The following RAB38 variants were observed in gnomAD, a reference collection of about 807,000 sequenced individuals.
RAB38 encodes the protein ras-related protein Rab-38.
RAB38 carries 15 observed loss-of-function variants against 18.4 expected under a neutral mutation model. The ratio of observed to expected loss-of-function variants is 0.82; its 90% CI spans 0.55 to 1.26. The LOEUF (loss-of-function observed/expected upper bound fraction) is 1.26. RAB38 is among the 50% of genes most tolerant of loss of function. The pLI, the probability that RAB38 is intolerant of heterozygous loss-of-function variation, is 0.00. For missense variants in RAB38, 294 were observed against 267.4 expected (o/e 1.10, Z -0.69); for synonymous variants, 101 against 104.4 (o/e 0.97, Z 0.20).
At chr11:87,844,216 C>A in the RAB38 span, among the ~76,000 whole-genome samples, 1 of 152,056 alleles carries the variant, frequency 6.6e-6, no homozygotes, top group Non-Finnish European at 1.5e-5. Context: ...AGAGATTACT[C>A]TTTTTAAAAT....
chr11:88,111,022 C>G (rs1243926268), downstream of RAB38, among the ~76,000 whole-genome samples: 1 of 152,038 alleles, frequency 6.6e-6, no homozygotes, highest in Non-Finnish European at 1.5e-5. Flanking sequence ...AGAATACTAA[C>G]AGGAAGGTTG....
the RAB38 span, among the ~76,000 whole-genome samples, chr11:87,805,543 A>G: frequency 6.6e-6 from 1 of 151,818 alleles, no homozygotes; most frequent in Non-Finnish European, 1.5e-5. Context: ...CAAAAGAACC[A>G]TAGGATAGAG....
chr11:88,148,410 T>C (rs1943018896), intron 2 of RAB38, among the ~76,000 whole-genome samples: 1 of 152,184 alleles, frequency 6.6e-6, no homozygotes, highest in Admixed American at 6.5e-5. Context: ...AGGTTTTCTT[T>C]CCTATCTATA....
At chr11:87,879,198 G>C in the RAB38 span, among the ~76,000 whole-genome samples, 5 of 151,552 alleles carry the variant, frequency 3.3e-5, no homozygotes, top group East Asian at 7.9e-4. Flanking sequence ...ACAATAAATG[G>C]CTTAAGTTGA....
chr11:87,893,602 G>A, the RAB38 span, among the ~76,000 whole-genome samples: 4 of 151,036 alleles, frequency 2.6e-5, no homozygotes. Flanking sequence ...GCATTGTTGT[G>A]CAATAGAGCT....
chr11:88,104,908 CA>C, the RAB38 span, among the ~76,000 whole-genome samples: 4 of 152,092 alleles, frequency 2.6e-5, no homozygotes, highest in Admixed American at 2.6e-4. Flanking sequence ...AATCATTTAT[CA>C]AATCCCTTCT....
the RAB38 span, among the ~76,000 whole-genome samples, chr11:87,930,884 G>A: frequency 6.6e-6 from 1 of 152,036 alleles, no homozygotes; most frequent in African/African-American, 2.4e-5. Flanking sequence ...TAGATATGTG[G>A]CATTATTTCT....
At chr11:88,036,635 T>C in the RAB38 span, among the ~76,000 whole-genome samples, 1 of 152,126 alleles carries the variant, frequency 6.6e-6, no homozygotes, top group South Asian at 2.1e-4. Flanking sequence ...GATTAAGTTT[T>C]TCTATATAAA....
intron 1 of RAB38, among the ~76,000 whole-genome samples, chr11:88,161,464 C>T (rs1402664511): frequency 6.6e-6 from 1 of 152,066 alleles, no homozygotes; most frequent in Non-Finnish European, 1.5e-5. Context: ...ACCACTGACA[C>T]TTATTATGCT....
the RAB38 span, among the ~76,000 whole-genome samples, chr11:87,889,180 C>CCCTCTGT: frequency 4.6e-5 from 7 of 151,602 alleles, no homozygotes; most frequent in Admixed American, 2.6e-4. Context: ...GATGTGCCTG[C>CCCTCTGT]CCAGGAAGTA....
chr11:88,048,959 A>G, the RAB38 span, among the ~76,000 whole-genome samples: 1 of 152,052 alleles, frequency 6.6e-6, no homozygotes, highest in Non-Finnish European at 1.5e-5. Context: ...TAGTTTTTCA[A>G]TTCATACAAA....
chr11:87,885,905 G>GTAT, the RAB38 span, among the ~76,000 whole-genome samples: 1 of 151,958 alleles, frequency 6.6e-6, no homozygotes, highest in African/African-American at 2.4e-5. Context: ...ATCTATTGAA[G>GTAT]TATTGTCTCA....
At chr11:88,161,639 C>A (rs919020327) in intron 1 of RAB38, among the ~76,000 whole-genome samples, 1 of 152,036 alleles carries the variant, frequency 6.6e-6, no homozygotes, top group African/African-American at 2.4e-5. Context: ...CTCCTTCTTC[C>A]TCTAAAATGC....
the RAB38 span, among the ~76,000 whole-genome samples, chr11:88,083,910 G>C: frequency 6.6e-6 from 1 of 151,866 alleles, no homozygotes; most frequent in Non-Finnish European, 1.5e-5. Flanking sequence ...ACCCAGTTTT[G>C]ATATTCTGTT....
At chr11:88,125,406 T>C (rs1002873273) in intron 2 of RAB38, among the ~76,000 whole-genome samples, 2 of 152,178 alleles carry the variant, frequency 1.3e-5, no homozygotes, top group African/African-American at 2.4e-5. Flanking sequence ...CATAACTTTT[T>C]TGGAAGTATT....
chr11:87,932,920 AT>A, the RAB38 span, among the ~76,000 whole-genome samples: 1 of 152,104 alleles, frequency 6.6e-6, no homozygotes, highest in Non-Finnish European at 1.5e-5. Context: ...TATTTTCTTA[AT>A]TTAGAGTCAA....
At chr11:87,837,223 A>G in the RAB38 span, among the ~76,000 whole-genome samples, 2 of 152,148 alleles carry the variant, frequency 1.3e-5, no homozygotes, top group African/African-American at 4.8e-5. Flanking sequence ...TGCTTCCTAT[A>G]TACTTACATA....
At chr11:87,975,622 C>T in the RAB38 span, among the ~76,000 whole-genome samples, 3 of 151,736 alleles carry the variant, frequency 2.0e-5, no homozygotes, top group Admixed American at 2.0e-4. Flanking sequence ...AAGTTAATAA[C>T]ATATGCAGAA....
At chr11:88,162,325 A>G (rs922595304) in intron 1 of RAB38, among the ~76,000 whole-genome samples, 1 of 152,098 alleles carries the variant, frequency 6.6e-6, no homozygotes, top group African/African-American at 2.4e-5. Flanking sequence ...ATCTTCCCCT[A>G]CAAAATAACA....
Sources: allele counts gnomAD v4.1 joint callset (sites outside exome capture counted in the v4.1 genomes callset), GRCh38; gene constraint gnomAD v4.1.1; transcripts MANE v1.5; gene names NCBI Gene and HGNC (gene_info 2026-07-23, HGNC 2026-07-21).